Variants in CHODL observed in about 807,000 individuals in gnomAD.
The protein encoded by CHODL is chondrolectin.
Under a neutral mutation model 34.5 loss-of-function variants are expected in CHODL, and 29 were observed. The observed-to-expected ratio is 0.84, with a 90% CI of 0.63 to 1.15. The LOEUF is 1.15. Among genes scored for constraint, CHODL ranks in the 50% most tolerant of loss-of-function variants. CHODL has a pLI of 0.00. For missense variants in CHODL, 332 were observed against 332.5 expected (o/e 1.00, Z 0.01); for synonymous variants, 125 against 116.1 (o/e 1.08, Z -0.49).
chr21:18,149,249 G>A (rs893654743), intron 2 of CHODL, among the ~76,000 whole-genome samples: 1 of 152,172 alleles, frequency 6.6e-6, no homozygotes, highest in African/African-American at 2.4e-5. Context: ...GGCGTGAGCA[G>A]TCTCAGGAAA....
At chr21:18,171,198 G>GTTCTTTTTTTTTTT (rs1333481522) in intron 2 of CHODL, among the ~76,000 whole-genome samples, 463 of 37,062 alleles carry the variant, frequency 0.012, 212 homozygotes, top group African/African-American at 0.028. Flanking sequence ...GTTTTCTTTA[G>GTTCTTTTTTTTTTT]TTTTTTTTTT....
intron 1 of CHODL, among the ~76,000 whole-genome samples, chr21:17,978,733 G>GAAAAAAAAA (rs34399713): frequency 2.1e-5 from 3 of 139,650 alleles, no homozygotes; most frequent in Admixed American, 7.2e-5. Context: ...GAAAAAAAAA[G>GAAAAAAAAA]AAAAAAAAAA....
At chr21:18,060,449 CAAATAAAT>C (rs58886259) in intron 2 of CHODL, among the ~76,000 whole-genome samples, 14 of 149,046 alleles carry the variant, frequency 9.4e-5, no homozygotes, top group Non-Finnish European at 2.1e-4. Flanking sequence ...GACTCTGTCT[CAAATAAAT>C]AAATAAATAA....
At chr21:18,025,471 G>T (rs572548979) in intron 1 of CHODL, among the ~76,000 whole-genome samples, 3 of 152,110 alleles carry the variant, frequency 2.0e-5, no homozygotes, top group African/African-American at 7.2e-5. Context: ...GAAATGGCAG[G>T]TATCCATATT....
chr21:18,196,310 A>C (rs995979068), intron 2 of CHODL, among the ~76,000 whole-genome samples: 16 of 152,220 alleles, frequency 1.1e-4, no homozygotes, highest in Non-Finnish European at 1.8e-4. Context: ...AAAATTTTCA[A>C]CATGGAACTT....
chr21:18,262,620 G>T (rs1448739690), intron 4 of CHODL, among the ~76,000 whole-genome samples, 171 bp from the exon 5 acceptor site: 1 of 152,154 alleles, frequency 6.6e-6, no homozygotes, highest in Non-Finnish European at 1.5e-5. Context: ...TCACTATGTG[G>T]TGCATGACTG....
At chr21:18,251,489 A>AT (rs2074240800) in intron 1 of CHODL, among the ~76,000 whole-genome samples, 2 of 134,894 alleles carry the variant, frequency 1.5e-5, no homozygotes, top group Admixed American at 1.5e-4. Flanking sequence ...ATTTTAATAT[A>AT]TAAAATAAAT....
intron 1 of CHODL, among the ~76,000 whole-genome samples, chr21:18,003,923 A>G (rs542755628): frequency 4.6e-5 from 7 of 152,308 alleles, no homozygotes; most frequent in Non-Finnish European, 1.0e-4. Context: ...AATTCTCATT[A>G]TATATTACAG....
chr21:17,990,765 A>C (rs1484099520), intron 1 of CHODL, among the ~76,000 whole-genome samples: 1 of 152,122 alleles, frequency 6.6e-6, no homozygotes, highest in Non-Finnish European at 1.5e-5. Flanking sequence ...ATAATAATCA[A>C]ATCAGTAATT....
intron 2 of CHODL, among the ~76,000 whole-genome samples, chr21:18,133,239 C>T (rs2072679132): frequency 6.6e-6 from 1 of 152,122 alleles, no homozygotes; most frequent in South Asian, 2.1e-4. Flanking sequence ...GTATTGGTAA[C>T]CACTGCCAAT....
At chr21:18,089,041 C>T (rs1481919617) in intron 2 of CHODL, among the ~76,000 whole-genome samples, 2 of 152,184 alleles carry the variant, frequency 1.3e-5, no homozygotes, top group Admixed American at 1.3e-4. Flanking sequence ...TCTTTTCCAA[C>T]TTTCCATGGC....
chr21:18,068,990 C>T (rs911905375), intron 2 of CHODL, among the ~76,000 whole-genome samples: 8 of 151,998 alleles, frequency 5.3e-5, no homozygotes, highest in Admixed American at 1.3e-4. Flanking sequence ...CAGAAGGTTA[C>T]CTGAAGAGAG....
At chr21:18,082,044 C>T (rs1874859035) in intron 2 of CHODL, among the ~76,000 whole-genome samples, 1 of 152,170 alleles carries the variant, frequency 6.6e-6, no homozygotes, top group Non-Finnish European at 1.5e-5. Flanking sequence ...TGTGTCCCCA[C>T]CCAAATCTCA....
chr21:18,189,320 A>G (rs530102281), intron 2 of CHODL, among the ~76,000 whole-genome samples: 69 of 151,234 alleles, frequency 4.6e-4, no homozygotes, highest in African/African-American at 1.6e-3. Context: ...GAAACTTAGA[A>G]TTGTACAAGC....
At chr21:18,115,690 G>C (rs1468524877) in intron 2 of CHODL, among the ~76,000 whole-genome samples, 1 of 152,082 alleles carries the variant, frequency 6.6e-6, no homozygotes, top group South Asian at 2.1e-4. Context: ...TAATTATCCC[G>C]ATCCATGGTA....
At chr21:18,024,897 A>C (rs1248940848) in intron 1 of CHODL, 1 of 152,240 alleles carries the variant, frequency 6.6e-6, no homozygotes, top group African/African-American at 2.4e-5. Context: ...TATTAAATAG[A>C]ATACAAGCCA....
intron 1 of CHODL, among the ~76,000 whole-genome samples, chr21:17,966,715 G>C (rs772540279): frequency 3.3e-5 from 5 of 152,176 alleles, no homozygotes; most frequent in African/African-American, 4.8e-5. Context: ...ATTGGGAGGA[G>C]AAAAGGGCTT....
chr21:18,264,580 C>T (rs9974167), intron 5 of CHODL, among the ~76,000 whole-genome samples: 10 of 127,836 alleles, frequency 7.8e-5, no homozygotes, highest in South Asian at 7.5e-4. Flanking sequence ...CCAGCCTGGG[C>T]GACAGAGTGA....
chr21:18,009,730 T>C (rs1278756066), intron 1 of CHODL, among the ~76,000 whole-genome samples: 1 of 148,992 alleles, frequency 6.7e-6, no homozygotes, highest in African/African-American at 2.5e-5. Flanking sequence ...CTAATAAAAA[T>C]ACAAAAAATT....
Sources: gnomAD v4.1 joint callset for allele counts (sites outside exome capture counted in the v4.1 genomes callset) on GRCh38, gnomAD v4.1.1 for gene constraint, MANE v1.5 for transcripts, NCBI Gene and HGNC (gene_info 2026-07-23, HGNC 2026-07-21) for gene names.